The following KDM5A variants were observed in gnomAD, a reference collection of about 807,000 sequenced individuals.
The protein encoded by KDM5A is lysine demethylase 5A.
In KDM5A, 42 loss-of-function variants were observed where a neutral mutation model predicts 193.5. The ratio of observed to expected loss-of-function variants is 0.22; its 90% CI spans 0.17 to 0.28. KDM5A has a LOEUF of 0.28. Among genes scored for constraint, KDM5A ranks in the 10% least tolerant of loss-of-function variants. KDM5A has a pLI of 1.00. For synonymous variants in KDM5A, 796 were observed against 718.1 expected (o/e 1.11, Z -1.73); for missense variants, 1,692 against 2,055.1 (o/e 0.82, Z 3.42).
Position 285,431 on chromosome 12 carries a change from A to G in KDM5A, c.*25T>C. On this transcript the variant is annotated 3_prime_UTR_variant, in exon 28 of 28. Transcript: ENST00000399788. ...GTCTCAATGTGGTCCATGTCCCCCC[A>G]TGTCCCAAACTAACCAAGCATCTGC... 2 of 1,598,968 alleles carry G rather than the reference A, an allele frequency of 1.3e-6. No homozygotes were observed. The highest frequency in any genetic ancestry group is 1.7e-6 in the Non-Finnish European group (2 of 1,166,342).
intron 4 of KDM5A, among the ~76,000 whole-genome samples, chr12:364,517 G>A (rs1334389368): frequency 6.6e-6 from 1 of 150,382 alleles, no homozygotes; most frequent in Non-Finnish European, 1.5e-5. Flanking sequence ...CGGGCGCAGT[G>A]GCTCACACCT....
chr12:349,056 C>T (rs1421737466), intron 10 of KDM5A, among the ~76,000 whole-genome samples: 3 of 148,292 alleles, frequency 2.0e-5, no homozygotes, highest in East Asian at 2.0e-4. Flanking sequence ...GTTTCACCCT[C>T]GTTGCCCAGG....
chr12:285,408 C>T lies in KDM5A; in HGVS notation c.*48G>A, dbSNP rs778712073. 41 of 1,504,508 alleles carry T rather than the reference C, an allele frequency of 2.7e-5. No individual in the cohort carries two copies. The highest frequency in any genetic ancestry group is 3.6e-5 in the Non-Finnish European group (39 of 1,080,676). 93.2% of individuals were successfully genotyped at this position (1,504,508 alleles called of 1,614,324 possible). A position where few individuals can be genotyped will look rare whatever the true frequency, so the allele number is the denominator to read the frequency against. On this transcript the variant is annotated 3_prime_UTR_variant, in exon 28 of 28. Transcript: ENST00000399788. ...AACCACTCTACTTGATGACTAAGGT[C>T]TCAATGTGGTCCATGTCCCCCCATG...
chr12:317,183 C>T (rs559200855), intron 19 of KDM5A, among the ~76,000 whole-genome samples: 1 of 152,276 alleles, frequency 6.6e-6, no homozygotes, highest in African/African-American at 2.4e-5. Flanking sequence ...ATTCTCATCT[C>T]CCAATACTTT....
chr12:356,374 GTTT>G (rs1378702002), intron 6 of KDM5A, 55 bp downstream of exon 6: 2 of 1,089,458 alleles, frequency 1.8e-6, no homozygotes, highest in Non-Finnish European at 1.4e-6. Context: ...TATCATTTGA[GTTT>G]TTTTACAATC....
intron 24 of KDM5A, among the ~76,000 whole-genome samples, chr12:305,158 C>A (rs534707844): frequency 1.3e-5 from 2 of 152,188 alleles, no homozygotes; most frequent in African/African-American, 4.8e-5. Flanking sequence ...AACTGTAATG[C>A]CTCTTTTCTT....
chr12:383,261 C>T (rs1433928390), intron 3 of KDM5A, among the ~76,000 whole-genome samples: 1 of 151,410 alleles, frequency 6.6e-6, no homozygotes, highest in African/African-American at 2.4e-5. Context: ...GTGGCCAAGG[C>T]TGAGGTGCAG....
At chr12:383,695 T>C (rs565602182) in intron 3 of KDM5A, among the ~76,000 whole-genome samples, 1 of 152,192 alleles carries the variant, frequency 6.6e-6, no homozygotes, top group African/African-American at 2.4e-5. Flanking sequence ...ATAAAATAAG[T>C]TTTAAAGATA....
chr12:314,552 G>T (rs577949972), intron 19 of KDM5A, among the ~76,000 whole-genome samples: 31 of 152,288 alleles, frequency 2.0e-4, no homozygotes, highest in African/African-American at 7.0e-4. Flanking sequence ...ATGCTCTGTG[G>T]TAAGTGTAAT....
chr12:341,568 A>G (rs1944005543), intron 10 of KDM5A, among the ~76,000 whole-genome samples: 1 of 152,142 alleles, frequency 6.6e-6, no homozygotes, highest in African/African-American at 2.4e-5. Context: ...GAATAATTAG[A>G]TTGTTATAAC....
chr12:323,238 A>AT, intron 15 of KDM5A, 32 bp from the exon 16 acceptor site: 2 of 1,489,774 alleles, frequency 1.3e-6, no homozygotes, highest in South Asian at 1.3e-5. Flanking sequence ...AAAAAAAAAA[A>AT]AGAAAACAGA....
intron 24 of KDM5A, among the ~76,000 whole-genome samples, chr12:298,740 AACAAACTCCTCTGAGCTAAAG>A (rs1287668690): frequency 1.3e-5 from 2 of 152,102 alleles, no homozygotes; most frequent in African/African-American, 4.8e-5. Context: ...GGTGGGTAAT[AACAAACTCCTCTGAGCTAAAG>A]GACCATGTTC....
Position 389,265 on chromosome 12 carries a change from T to C in KDM5A, c.-174A>G, listed in dbSNP as rs543771792. The C allele has an allele frequency of 4.0e-6, 3 of 741,256 alleles. No homozygotes were observed. Among genetic ancestry groups the C allele is most frequent in the East Asian group, 5.3e-5 (2 of 37,892 alleles). The allele number at this position is 741,256 out of a possible 1,614,324, so 45.9% of individuals were successfully genotyped here. On this transcript the variant is annotated 5_prime_UTR_variant, in exon 1 of 28. Coordinates refer to ENST00000399788, the MANE Select transcript of KDM5A (RefSeq NM_001042603.3). Reference sequence around the variant, plus strand: ...CTTCCTCCTCCCGTTTGTTATTGTTTCTTGCAAGGCTTTTCCACTGAGGTT... The same window carrying C: ...CTTCCTCCTCCCGTTTGTTATTGTTCCTTGCAAGGCTTTTCCACTGAGGTT...
At chr12:336,179 C>T (rs983922708) in intron 10 of KDM5A, among the ~76,000 whole-genome samples, 10 of 150,748 alleles carry the variant, frequency 6.6e-5, no homozygotes, top group East Asian at 3.9e-4. Context: ...GTCAACATGG[C>T]GGGACCCCAT....
intron 26 of KDM5A, among the ~76,000 whole-genome samples, chr12:295,111 A>T (rs1943352248): frequency 6.6e-6 from 1 of 152,044 alleles, no homozygotes; most frequent in Non-Finnish European, 1.5e-5. Context: ...TCTAAACGGG[A>T]TGGTTATCAA....
At chr12:290,069 T>C (rs769040850) in intron 27 of KDM5A, among the ~76,000 whole-genome samples, 1 of 152,072 alleles carries the variant, frequency 6.6e-6, no homozygotes, top group Non-Finnish European at 1.5e-5. Context: ...AATCCTCCTG[T>C]CTCAACCTTC....
chr12:333,355 G>T, intron 12 of KDM5A, 132 bp downstream of exon 12: 3 of 938,230 alleles, frequency 3.2e-6, no homozygotes, highest in Non-Finnish European at 5.0e-6. Flanking sequence ...GCAGGCTGAG[G>T]CTGCAATGAG....
At chr12:325,225 C>T (rs929148838) in intron 14 of KDM5A, among the ~76,000 whole-genome samples, 14 of 152,108 alleles carry the variant, frequency 9.2e-5, no homozygotes, top group Non-Finnish European at 1.3e-4. Flanking sequence ...GCACGTATTT[C>T]TTAGTTTATA....
At chr12:343,296 G>A (rs1052220539) in intron 10 of KDM5A, among the ~76,000 whole-genome samples, 11 of 152,194 alleles carry the variant, frequency 7.2e-5, no homozygotes, top group Admixed American at 2.6e-4. Context: ...TGGAGCCCAC[G>A]GCAGCTCAAC....
Sources: gnomAD v4.1 joint callset for allele counts (sites outside exome capture counted in the v4.1 genomes callset) on GRCh38, gnomAD v4.1.1 for gene constraint, MANE v1.5 for transcripts, NCBI Gene and HGNC (gene_info 2026-07-23, HGNC 2026-07-21) for gene names.